Variants in LSM12 observed in about 807,000 individuals in gnomAD.
The protein encoded by LSM12 is LSM12 homolog.
For synonymous variants in LSM12, 74 were observed against 87.3 expected, an observed-to-expected ratio of 0.85 and a Z score of 0.85; for missense variants, 108 against 238.9, an observed-to-expected ratio of 0.45 and a Z score of 3.61.
At chr17:44,050,034 G>A (rs111558559) in intron 2 of LSM12, among the ~76,000 whole-genome samples, 9 of 152,190 alleles carry the variant, frequency 5.9e-5, no homozygotes, top group Admixed American at 4.6e-4. Context: ...AACTGTCATC[G>A]TAAGGGCCCT....
intron 2 of LSM12, among the ~76,000 whole-genome samples, chr17:44,063,593 T>C (rs575636334): frequency 4.6e-5 from 7 of 152,282 alleles, no homozygotes; most frequent in South Asian, 2.1e-4. Context: ...CTCAACTTAT[T>C]TGGGAGTTAA....
At chr17:44,064,852 T>G (rs1411368896) in intron 1 of LSM12, among the ~76,000 whole-genome samples, 2 of 151,906 alleles carry the variant, frequency 1.3e-5, no homozygotes, top group Non-Finnish European at 2.9e-5. Flanking sequence ...CAACTATTCT[T>G]AGGCCGCGCG....
upstream of LSM12, chr17:44,066,752 A>G: frequency 1.2e-6 from 1 of 865,804 alleles, no homozygotes; most frequent in Non-Finnish European, 1.5e-6. Flanking sequence ...AGTGGGAAAG[A>G]AGAGGAAATA....
At chr17:44,054,917 C>A (rs912542267) in intron 2 of LSM12, among the ~76,000 whole-genome samples, 1 of 151,728 alleles carries the variant, frequency 6.6e-6, no homozygotes, top group African/African-American at 2.4e-5. Flanking sequence ...CGGCTCACTG[C>A]AACCTCTGCC....
At chr17:44,057,146 A>AC (rs935256779) in intron 2 of LSM12, among the ~76,000 whole-genome samples, 1 of 149,612 alleles carries the variant, frequency 6.7e-6, no homozygotes, top group Admixed American at 6.6e-5. Context: ...ACAGAGTAAG[A>AC]CTTTTTTTTT....
rs1337168223 is a variant in LSM12 at position 44,066,589 on chromosome 17, T to C, written c.-2A>G. 1.4e-6 allele frequency: 2 copies of C among 1,429,482 alleles called. No individual in the cohort carries two copies. Among genetic ancestry groups the C allele is most frequent in the South Asian group, 2.9e-5 (2 of 69,740 alleles). 88.5% of individuals were successfully genotyped at this position (1,429,482 alleles called of 1,614,324 possible). On this transcript the variant is annotated 5_prime_UTR_variant, in exon 1 of 5. Transcript: ENST00000293406. Reference sequence around the variant, plus strand: ...GTACTCGCCCGGAGGAGCCGCCATCTTGGGAGTGCAGCCGCGGCCGGCGGC... The same window carrying C: ...GTACTCGCCCGGAGGAGCCGCCATCCTGGGAGTGCAGCCGCGGCCGGCGGC...
Position 44,066,344 on chromosome 17 carries a change from C to T in LSM12, c.124+120G>A, listed in dbSNP as rs1048792261. On this transcript the variant is annotated intron_variant, in intron 1 of 4. Coordinates refer to ENST00000293406, the MANE Select transcript of LSM12 (RefSeq NM_001371445.1). Reference sequence around the variant, plus strand: ...GGGCCGTGCGCATGCGCCCCGGGCGCCGCGGTAGCCGGTCGCCCCTAGGCC... The same window carrying T: ...GGGCCGTGCGCATGCGCCCCGGGCGTCGCGGTAGCCGGTCGCCCCTAGGCC... The T allele has an allele frequency of 3.8e-6, 5 of 1,321,528 alleles. No individual in the cohort carries two copies. In the African/African-American group the frequency reaches 7.8e-5, roughly 21 times the overall value. 81.9% of individuals were successfully genotyped at this position (1,321,528 alleles called of 1,614,324 possible).
intron 2 of LSM12, among the ~76,000 whole-genome samples, chr17:44,042,220 G>A (rs988822280): frequency 6.6e-6 from 1 of 151,956 alleles, no homozygotes; most frequent in South Asian, 2.1e-4. Context: ...ACGGGAGGCA[G>A]AGACTGCAGT....
intron 3 of LSM12, among the ~76,000 whole-genome samples, chr17:44,039,438 G>A (rs1023711727): frequency 1.2e-4 from 15 of 127,002 alleles, no homozygotes; most frequent in African/African-American, 4.2e-4. Flanking sequence ...GCGGACTGCA[G>A]TGGCGCAATC....
At chr17:44,044,283 T>C (rs2049533134) in intron 2 of LSM12, among the ~76,000 whole-genome samples, 1 of 152,188 alleles carries the variant, frequency 6.6e-6, no homozygotes, top group Non-Finnish European at 1.5e-5. Flanking sequence ...AGTGATTCTT[T>C]AGACAGGCTG....
intron 2 of LSM12, among the ~76,000 whole-genome samples, chr17:44,041,647 T>C (rs1029562488): frequency 2.0e-5 from 3 of 152,278 alleles, no homozygotes; most frequent in Admixed American, 1.3e-4. Flanking sequence ...ATCCACAAAC[T>C]GATCAAAAGA....
At chr17:44,039,765 T>C (rs952151783) in intron 3 of LSM12, among the ~76,000 whole-genome samples, 1 of 152,168 alleles carries the variant, frequency 6.6e-6, no homozygotes, top group African/African-American at 2.4e-5. Flanking sequence ...AAAAGTGATA[T>C]AGATATAACT....
intron 3 of LSM12, among the ~76,000 whole-genome samples, chr17:44,039,572 G>A (rs375118199): frequency 4.0e-5 from 6 of 149,368 alleles, no homozygotes; most frequent in East Asian, 2.0e-4. Context: ...TAGTAGAGAC[G>A]GGGTTTCACC....
intron 2 of LSM12, among the ~76,000 whole-genome samples, chr17:44,056,482 C>T (rs1597894426): frequency 6.6e-6 from 1 of 151,774 alleles, no homozygotes; most frequent in South Asian, 2.1e-4. Flanking sequence ...ATTAGCTGGA[C>T]GTGGTGGCAC....
At chr17:44,062,905 CAA>C (rs764166826) in intron 2 of LSM12, among the ~76,000 whole-genome samples, 5 of 138,782 alleles carry the variant, frequency 3.6e-5, no homozygotes, top group African/African-American at 5.3e-5. Flanking sequence ...TGCCTGTCTC[CAA>C]AAAAAAAAAA....
chr17:44,040,511 G>A (rs1164233153), intron 2 of LSM12, among the ~76,000 whole-genome samples: 3 of 152,240 alleles, frequency 2.0e-5, no homozygotes, highest in East Asian at 1.9e-4. Flanking sequence ...CACTATGCTA[G>A]GCTAAATATA....
intron 1 of LSM12, among the ~76,000 whole-genome samples, chr17:44,064,561 C>T (rs1172170901): frequency 6.6e-6 from 1 of 151,294 alleles, no homozygotes; most frequent in Non-Finnish European, 1.5e-5. Context: ...GGCAAAACCC[C>T]GTCACTACCA....
At chr17:44,037,360 G>A (rs368807915) in intron 4 of LSM12, 52 bp downstream of exon 4, 14 of 1,524,722 alleles carry the variant, frequency 9.2e-6, no homozygotes, top group Non-Finnish European at 1.2e-5. Context: ...AAAGACTGAA[G>A]GCCTGAGGAA....
At chr17:44,045,396 T>TA (rs2049549610) in intron 2 of LSM12, among the ~76,000 whole-genome samples, 2 of 152,226 alleles carry the variant, frequency 1.3e-5, no homozygotes, top group South Asian at 2.1e-4. Context: ...TGTGTTGACT[T>TA]ACGTCTCTGG....
Sources: gnomAD v4.1 joint callset for allele counts (sites outside exome capture counted in the v4.1 genomes callset) on GRCh38, gnomAD v4.1.1 for gene constraint, MANE v1.5 for transcripts, NCBI Gene and HGNC (gene_info 2026-07-23, HGNC 2026-07-21) for gene names.